Variants in R3HDM1 observed in about 807,000 individuals in gnomAD.
The protein encoded by R3HDM1 is R3H domain containing 1, also known as R3H domain-containing protein 1.
In R3HDM1, 46 loss-of-function variants were observed where a neutral mutation model predicts 141.1. The ratio of observed to expected loss-of-function variants is 0.33; its 90% confidence interval spans 0.26 to 0.42. The LOEUF (loss-of-function observed/expected upper bound fraction) is 0.42, where lower values mean the gene tolerates loss of function less well. Ranked by LOEUF, R3HDM1 falls within the 10% of genes least tolerant of loss-of-function variation. The probability of loss-of-function intolerance (pLI) is 1.00; values close to 1 mark genes in which losing one functional copy is unlikely to be tolerated. For synonymous variants in R3HDM1, 435 were observed against 472.9 expected, an observed-to-expected ratio of 0.92 and a Z score of 1.04; for missense variants, 1,184 against 1,368.3, an observed-to-expected ratio of 0.87 and a Z score of 2.12.
chr2:135,614,803 G>A (rs555558474), intron 3 of R3HDM1, among the ~76,000 whole-genome samples: 4 of 151,590 alleles, frequency 2.6e-5, no homozygotes, highest in South Asian at 4.2e-4. Context: ...TTCACCTGTT[G>A]CTTTTCTCTC....
intron 1 of R3HDM1, chr2:135,531,863 C>G: frequency 1.0e-6 from 1 of 983,258 alleles, no homozygotes; most frequent in Non-Finnish European, 1.2e-6. Context: ...GAGCCAGGCT[C>G]GCCTGGCCCG....
intron 15 of R3HDM1, chr2:135,645,128 C>T (rs2064251376): frequency 3.4e-6 from 1 of 293,404 alleles, no homozygotes; most frequent in Non-Finnish European, 6.2e-6. Context: ...CACTAGCGGT[C>T]TGGGCCAGTA....
chr2:135,630,281 CAAAAA>C (rs911009655), intron 7 of R3HDM1, among the ~76,000 whole-genome samples: 4 of 39,298 alleles, frequency 1.0e-4, no homozygotes, highest in East Asian at 6.4e-4. Flanking sequence ...CCTTCTCAAC[CAAAAA>C]AAAAAAAAAA....
intron 1 of R3HDM1, among the ~76,000 whole-genome samples, chr2:135,549,760 A>T (rs777311501): frequency 6.6e-6 from 1 of 152,156 alleles, no homozygotes; most frequent in African/African-American, 2.4e-5. Context: ...GTTATTCCTT[A>T]AATGGAATGG....
chr2:135,606,511 C>T (rs1669770729), intron 3 of R3HDM1: 1 of 151,978 alleles, frequency 6.6e-6, no homozygotes. Context: ...TGGCTGTAAT[C>T]CCAGCACTTT....
Position 135,630,281 on chromosome 2 carries a change from C to CAAAAAAAA in R3HDM1, c.498-1417_498-1410dup, listed in dbSNP as rs911009655. ...AACAAGAGCGAAACTCCTTCTCAACCAAAAAAAAAAAAAAAAAAAAAAAAA... is the reference window on the plus strand; with the variant it reads ...AACAAGAGCGAAACTCCTTCTCAACCAAAAAAAAAAAAAAAAAAAAAAAAAAAAAAAAA... On this transcript the variant is annotated intron_variant, in intron 7 of 26. Transcript: ENST00000683871. Among the ~76,000 whole-genome samples, 135 of 39,316 alleles carry CAAAAAAAA rather than the reference C, an allele frequency of 3.4e-3. 5 individuals carry two copies. Among genetic ancestry groups the CAAAAAAAA allele is most frequent in the Middle Eastern group, 0.033 (1 of 30 alleles). 25.8% of individuals were successfully genotyped at this position (39,316 alleles called of 152,430 possible).
chr2:135,614,035 G>A (rs1391547091), intron 3 of R3HDM1, among the ~76,000 whole-genome samples: 1 of 152,190 alleles, frequency 6.6e-6, no homozygotes, highest in Non-Finnish European at 1.5e-5. Flanking sequence ...TGGACTGTGA[G>A]GTCTTTAAGA....
At chr2:135,675,527 C>A in intron 20 of R3HDM1, 41 bp downstream of exon 20, 2 of 1,542,056 alleles carry the variant, frequency 1.3e-6, no homozygotes, top group Non-Finnish European at 1.8e-6. Context: ...GAGATGATTT[C>A]GAATAAATTA....
intron 3 of R3HDM1, among the ~76,000 whole-genome samples, chr2:135,613,392 T>C (rs2060723166): frequency 6.6e-6 from 1 of 152,184 alleles, no homozygotes; most frequent in African/African-American, 2.4e-5. Context: ...ACGCTTTAAA[T>C]CTCTCTGACT....
At chr2:135,698,969 A>C (rs1244218839) in intron 21 of R3HDM1, among the ~76,000 whole-genome samples, 1 of 150,406 alleles carries the variant, frequency 6.6e-6, no homozygotes, top group Non-Finnish European at 1.5e-5. Flanking sequence ...ACATCCAAAC[A>C]ATATTACACT....
intron 11 of R3HDM1, among the ~76,000 whole-genome samples, 196 bp downstream of exon 11, chr2:135,636,379 T>C (rs953992433): frequency 6.6e-6 from 1 of 152,196 alleles, no homozygotes; most frequent in Non-Finnish European, 1.5e-5. Context: ...GCAGTAGTTA[T>C]ATAAAATTTT....
chr2:135,547,935 A>G (rs1699081158), intron 1 of R3HDM1, among the ~76,000 whole-genome samples: 1 of 151,512 alleles, frequency 6.6e-6, no homozygotes, highest in African/African-American at 2.4e-5. Flanking sequence ...CACCACACCC[A>G]GCTAATTTTT....
At chr2:135,580,623 A>T (rs1706598198) in intron 1 of R3HDM1, among the ~76,000 whole-genome samples, 1 of 152,184 alleles carries the variant, frequency 6.6e-6, no homozygotes, top group Non-Finnish European at 1.5e-5. Context: ...TGTCTTCATT[A>T]TCTCCCTAAT....
intron 1 of R3HDM1, among the ~76,000 whole-genome samples, chr2:135,562,717 A>G (rs1181643136): frequency 6.6e-6 from 1 of 152,156 alleles, no homozygotes; most frequent in East Asian, 1.9e-4. Flanking sequence ...TCATCTTTAC[A>G]TTCCTACTTT....
chr2:135,723,778 C>CA (rs541423067), intron 26 of R3HDM1, among the ~76,000 whole-genome samples, 159 bp from the exon 27 acceptor site: 1,710 of 55,214 alleles, frequency 0.031, 89 homozygotes, highest in African/African-American at 0.042. Context: ...CTCCATCTCC[C>CA]AAAAAAAAAA....
intron 3 of R3HDM1, chr2:135,605,766 C>A (rs2059992235): frequency 6.6e-6 from 1 of 151,672 alleles, no homozygotes; most frequent in African/African-American, 2.4e-5. Context: ...CTCACTGCAG[C>A]CTCCCTCTCC....
rs1407278249 is a variant in R3HDM1 at position 135,631,689 on chromosome 2, C to T, written c.498-29C>T. 4 of 1,521,902 alleles carry T rather than the reference C, an allele frequency of 2.6e-6. No individual in the cohort carries two copies. The South Asian group carries it at 5.1e-5, about 19-fold the overall frequency. 94.3% of individuals were successfully genotyped at this position (1,521,902 alleles called of 1,614,324 possible). On this transcript the variant is annotated intron_variant, in intron 7 of 26. Transcript: ENST00000683871. ...GTGATTACTTCATTGCTAAGTTTTACATATAAGAGTCTTCATACTTTGTTT... is the reference window on the plus strand; with the variant it reads ...GTGATTACTTCATTGCTAAGTTTTATATATAAGAGTCTTCATACTTTGTTT...
chr2:135,570,591 C>G (rs1036230245), intron 1 of R3HDM1, among the ~76,000 whole-genome samples: 5 of 152,200 alleles, frequency 3.3e-5, no homozygotes, highest in Non-Finnish European at 5.9e-5. Context: ...CATCCCACAC[C>G]TAATGCTAGA....
intron 19 of R3HDM1, among the ~76,000 whole-genome samples, chr2:135,670,996 T>C (rs895130632): frequency 1.3e-5 from 2 of 151,988 alleles, no homozygotes; most frequent in African/African-American, 4.8e-5. Flanking sequence ...AGGCAGAGTT[T>C]GCAGTGAGGT....
Sources: allele counts gnomAD v4.1 joint callset (sites outside exome capture counted in the v4.1 genomes callset), GRCh38; gene constraint gnomAD v4.1.1; transcripts MANE v1.5; gene names NCBI Gene and HGNC (gene_info 2026-07-23, HGNC 2026-07-21).